NLN: variants seen among roughly 807,000 people sequenced by gnomAD.
NLN encodes neurolysin, mitochondrial.
A neutral mutation model predicts 79.9 loss-of-function variants in NLN; 64 were observed. The observed-to-expected ratio is 0.80, with a 90% CI of 0.65 to 0.99. The LOEUF (loss-of-function observed/expected upper bound fraction) is 0.99. NLN is among the 50% of genes least tolerant of loss of function. The probability of loss-of-function intolerance (pLI) is 0.00; values close to 1 mark genes in which losing one functional copy is unlikely to be tolerated. For missense variants in NLN, 835 were observed against 858.7 expected, an observed-to-expected ratio of 0.97 and a Z score of 0.34; for synonymous variants, 267 against 296.6, an observed-to-expected ratio of 0.90 and a Z score of 1.02.
intron 3 of NLN, among the ~76,000 whole-genome samples, chr5:65,766,113 G>A (rs1288003547): frequency 1.3e-5 from 2 of 152,176 alleles, no homozygotes; most frequent in Non-Finnish European, 2.9e-5. Flanking sequence ...GTTCTGACTT[G>A]GGGTCTGACA....
At chr5:65,744,316 T>A (rs942406571) in intron 1 of NLN, among the ~76,000 whole-genome samples, 1 of 152,210 alleles carries the variant, frequency 6.6e-6, no homozygotes, top group African/African-American at 2.4e-5. Context: ...GATACTCTAA[T>A]GTCTCTTTCC....
Position 65,826,056 on chromosome 5 carries a change from A to C in NLN, c.*3141A>C, listed in dbSNP as rs1026301057. On this transcript the variant is annotated 3_prime_UTR_variant, in exon 13 of 13. Transcript: ENST00000380985. ...GAAGCTGGGAAGTCCCACAATCCACATGCTGGTAAATTTGGTTCGTGGTGA... is the reference window on the plus strand; with the variant it reads ...GAAGCTGGGAAGTCCCACAATCCACCTGCTGGTAAATTTGGTTCGTGGTGA... 4 of 152,248 alleles carry C rather than the reference A, an allele frequency of 2.6e-5. No individual in the cohort carries two copies. The highest frequency in any genetic ancestry group is 7.2e-5 in the African/African-American group (3 of 41,462). The allele number at this position is 152,248 out of a possible 1,614,324, so 9.4% of individuals were successfully genotyped here.
At chr5:65,821,549 T>G (rs1760799181) in intron 12 of NLN, among the ~76,000 whole-genome samples, 1 of 152,194 alleles carries the variant, frequency 6.6e-6, no homozygotes, top group Non-Finnish European at 1.5e-5. Flanking sequence ...TTTTACCTAT[T>G]TGTTTCTTTA....
Position 65,785,918 on chromosome 5 carries a change from C to CTT in NLN, c.958+19_958+20dup, listed in dbSNP as rs769634832. ...GCGTAACAGCCTTTCTAGGTTAGTT[C>CTT]TTTTTTTTTTTTCTATGACTGTTTT... On this transcript the variant is annotated intron_variant, in intron 7 of 12. Coordinates refer to ENST00000380985, the MANE Select transcript of NLN (RefSeq NM_020726.5). 116 of 1,258,530 alleles carry CTT rather than the reference C, an allele frequency of 9.2e-5. No individual in the cohort carries two copies. Among genetic ancestry groups the CTT allele is most frequent in the Middle Eastern group, 2.0e-4 (1 of 4,948 alleles). 78.0% of individuals were successfully genotyped at this position (1,258,530 alleles called of 1,614,324 possible).
chr5:65,732,544 A>G (rs1474799262), intron 1 of NLN, among the ~76,000 whole-genome samples: 73 of 140,616 alleles, frequency 5.2e-4, no homozygotes, highest in Non-Finnish European at 7.6e-4. Context: ...GGTTCTTTTG[A>G]ACCCCAGGAA....
intron 1 of NLN, among the ~76,000 whole-genome samples, chr5:65,739,754 T>C (rs1287375323): frequency 1.3e-5 from 2 of 152,198 alleles, no homozygotes; most frequent in African/African-American, 4.8e-5. Context: ...TTCCCTAATG[T>C]TGATGTTGAG....
At chr5:65,806,733 A>G (rs1010556053) in intron 9 of NLN, among the ~76,000 whole-genome samples, 1 of 152,222 alleles carries the variant, frequency 6.6e-6, no homozygotes, top group Non-Finnish European at 1.5e-5. Context: ...TTGGTAGAGC[A>G]GTGGCAGGTA....
At position 65,763,111 on chromosome 5, in the gene NLN, A is replaced by G. The variant is rs1285431405; in HGVS notation, c.450+3A>G. On this transcript the variant is annotated splice_donor_region_variant and intron_variant, in intron 3 of 12. Transcript: ENST00000380985. ...TTGAGAGAATTGTTCATTTACAGGTAAGTGGTGTTATAAATCCCTTTAAAG... is the reference window on the plus strand; with the variant it reads ...TTGAGAGAATTGTTCATTTACAGGTGAGTGGTGTTATAAATCCCTTTAAAG... The G allele has an allele frequency of 1.2e-6, 2 of 1,612,552 alleles. No individual in the cohort carries two copies. Among genetic ancestry groups the G allele is most frequent in the South Asian group, 2.2e-5 (2 of 90,958 alleles).
intron 2 of NLN, among the ~76,000 whole-genome samples, chr5:65,762,219 A>G (rs1405932730): frequency 6.6e-6 from 1 of 152,174 alleles, no homozygotes; most frequent in East Asian, 1.9e-4. Flanking sequence ...CTTTGAAGTT[A>G]TCTGGAATTT....
intron 4 of NLN, among the ~76,000 whole-genome samples, chr5:65,777,833 G>A (rs1759714040): frequency 6.6e-6 from 1 of 152,168 alleles, no homozygotes; most frequent in Admixed American, 6.5e-5. Flanking sequence ...ACAGAAAATA[G>A]GGAAACAGAT....
chr5:65,748,381 T>C (rs186505212), intron 1 of NLN, among the ~76,000 whole-genome samples: 26 of 152,314 alleles, frequency 1.7e-4, no homozygotes, highest in African/African-American at 5.1e-4. Flanking sequence ...TACAGTGGAA[T>C]AGCTGACTTT....
At chr5:65,773,908 A>G (rs374163054) in intron 3 of NLN, among the ~76,000 whole-genome samples, 31 of 152,208 alleles carry the variant, frequency 2.0e-4, no homozygotes, top group African/African-American at 7.0e-4. Flanking sequence ...ACACCACTGT[A>G]CTCCAGCCCA....
intron 9 of NLN, among the ~76,000 whole-genome samples, chr5:65,794,491 G>A (rs1760129255): frequency 6.6e-6 from 1 of 152,222 alleles, no homozygotes; most frequent in East Asian, 1.9e-4. Context: ...TGTAGTCCCA[G>A]CTACTCAGAA....
intron 9 of NLN, among the ~76,000 whole-genome samples, chr5:65,805,740 T>A (rs1029752101): frequency 6.6e-6 from 1 of 152,246 alleles, no homozygotes; most frequent in African/African-American, 2.4e-5. Context: ...AGATCATTGA[T>A]GAATGTGGCT....
Position 65,824,407 on chromosome 5 carries a change from CTGAGA to C in NLN, c.*1494_*1498del, listed in dbSNP as rs1437917724. The C allele has an allele frequency of 2.0e-5, 3 of 151,808 alleles. No homozygotes were observed. The highest frequency in any genetic ancestry group is 7.3e-5 in the African/African-American group (3 of 41,106). The allele number at this position is 151,808 out of a possible 1,614,324, so 9.4% of individuals were successfully genotyped here. A position where few individuals can be genotyped will look rare whatever the true frequency, so the allele number is the denominator to read the frequency against. On this transcript the variant is annotated 3_prime_UTR_variant, in exon 13 of 13. Transcript: ENST00000380985. ...ACCTGAAATCCTACTACCCCCTCTT[CTGAGA>C]TAATTTGCCCAGCCCTTCTCTTCCC...
At chr5:65,772,473 C>T (rs889012176) in intron 3 of NLN, among the ~76,000 whole-genome samples, 10 of 152,192 alleles carry the variant, frequency 6.6e-5, no homozygotes. Context: ...AATTAGTAGT[C>T]AGCAAGCAGT....
rs565681720 is a variant in NLN, at chr5:65,825,369, T to G, written c.*2454T>G. Reference sequence around the variant, plus strand: ...TAATAAGGTCTCTCCTGGTAATTGATCCAGGGGATTTAGGCCTCTTTCGGG... The same window carrying G: ...TAATAAGGTCTCTCCTGGTAATTGAGCCAGGGGATTTAGGCCTCTTTCGGG... On this transcript the variant is annotated 3_prime_UTR_variant, in exon 13 of 13. Transcript: ENST00000380985. The G allele has an allele frequency of 1.3e-5, 2 of 152,250 alleles. No homozygotes were observed. The highest frequency in any genetic ancestry group is 1.3e-4 in the Admixed American group (2 of 15,288). 9.4% of individuals were successfully genotyped at this position (152,250 alleles called of 1,614,324 possible).
At chr5:65,809,296 TG>T (rs1760488851) in intron 9 of NLN, 1 of 400,168 alleles carries the variant, frequency 2.5e-6, no homozygotes, top group Non-Finnish European at 4.4e-6. Context: ...TTCAAAGGAA[TG>T]AAATTACTAC....
intron 12 of NLN, among the ~76,000 whole-genome samples, chr5:65,818,167 T>TA (rs1466766536): frequency 2.0e-5 from 3 of 152,242 alleles, no homozygotes; most frequent in Non-Finnish European, 4.4e-5. Flanking sequence ...TTTGGGCTCT[T>TA]ACAGCCCTTC....
Sources: allele counts gnomAD v4.1 joint callset (sites outside exome capture counted in the v4.1 genomes callset), GRCh38; gene constraint gnomAD v4.1.1; transcripts MANE v1.5; gene names NCBI Gene and HGNC (gene_info 2026-07-23, HGNC 2026-07-21).